Variants in DPP6 observed in about 807,000 individuals in gnomAD.
DPP6 encodes A-type potassium channel modulatory protein DPP6.
A neutral mutation model predicts 122.6 loss-of-function variants in DPP6; 69 were observed. The observed-to-expected ratio is 0.56, with a 90% confidence interval of 0.46 to 0.69. The LOEUF (loss-of-function observed/expected upper bound fraction) is 0.69. Among genes scored for constraint, DPP6 ranks in the 30% least tolerant of loss-of-function variants. The probability of loss-of-function intolerance (pLI) is 0.00; values close to 1 mark genes in which losing one functional copy is unlikely to be tolerated. For missense variants in DPP6, 928 were observed against 1,116.9 expected, an observed-to-expected ratio of 0.83 and a Z score of 2.41; for synonymous variants, 418 against 433.1, an observed-to-expected ratio of 0.97 and a Z score of 0.43.
intron 2 of DPP6, among the ~76,000 whole-genome samples, chr7:154,466,735 G>C (rs1273435109): frequency 6.6e-6 from 1 of 152,172 alleles, no homozygotes; most frequent in Non-Finnish European, 1.5e-5. Flanking sequence ...CAGTGCACGT[G>C]GACGTCTTTG....
At chr7:154,015,728 C>A in intron 1 of DPP6, among the ~76,000 whole-genome samples, 1 of 152,130 alleles carries the variant, frequency 6.6e-6, no homozygotes, top group Admixed American at 6.5e-5. Context: ...ACACCCACCT[C>A]CCCACTGGGG....
chr7:154,889,066 T>G (rs1204419919), intron 23 of DPP6, among the ~76,000 whole-genome samples: 2 of 152,138 alleles, frequency 1.3e-5, no homozygotes, highest in Admixed American at 1.3e-4. Context: ...AAGATGAGAT[T>G]TGGGTGGGGA....
At chr7:154,742,085 G>A (rs1051032892) in intron 8 of DPP6, among the ~76,000 whole-genome samples, 1 of 152,206 alleles carries the variant, frequency 6.6e-6, no homozygotes, top group African/African-American at 2.4e-5. Flanking sequence ...CGGGGTACCT[G>A]AAAAAGAGGA....
upstream of DPP6, among the ~76,000 whole-genome samples, chr7:153,883,134 G>A (rs964058847): frequency 4.6e-5 from 7 of 151,824 alleles, no homozygotes; most frequent in Admixed American, 2.0e-4. Flanking sequence ...GACCACCTTC[G>A]CATCCCTGTT....
chr7:154,539,431 A>G (rs917516847), intron 3 of DPP6, among the ~76,000 whole-genome samples: 3 of 152,164 alleles, frequency 2.0e-5, no homozygotes, highest in Non-Finnish European at 2.9e-5. Flanking sequence ...GAATTGAACA[A>G]TGAGAACACT....
chr7:154,884,700 CAGGCACACA>C (rs1563326073), intron 21 of DPP6: 16 of 70,178 alleles, frequency 2.3e-4, no homozygotes, highest in African/African-American at 1.0e-3. Flanking sequence ...CATGATCACA[CAGGCACACA>C]TGATCACACA....
rs1164747173 is a variant in DPP6 at position 154,856,113 on chromosome 7, G to A, written c.1714+2286G>A. On this transcript the variant is annotated intron_variant, in intron 17 of 25. Coordinates refer to ENST00000377770, the MANE Select transcript of DPP6 (RefSeq NM_130797.4). The stretch of plus-strand genomic sequence containing the variant: ...ATCTATAATTATTTCAAATTTAAAA[G>A]TTTTTTCTAATCTGTGGTCTAATAA... 3.3e-5 allele frequency among the ~76,000 whole-genome samples: 5 copies of A among 152,144 alleles called. No homozygotes were observed. The East Asian group carries it at 7.7e-4, about 23-fold the overall frequency.
chr7:154,319,548 G>A (rs4726406), intron 1 of DPP6, among the ~76,000 whole-genome samples: 87,204 of 151,794 alleles, frequency 0.57, 25,528 homozygotes, highest in South Asian at 0.66. Flanking sequence ...ACAAAAAATT[G>A]CTCAGGTGTG....
At chr7:154,634,453 T>A (rs1163583543) in intron 5 of DPP6, among the ~76,000 whole-genome samples, 1 of 152,110 alleles carries the variant, frequency 6.6e-6, no homozygotes, top group Non-Finnish European at 1.5e-5. Context: ...GGATTATAAA[T>A]CATGCTGCTA....
At chr7:154,021,217 A>G (rs963159406) in intron 1 of DPP6, among the ~76,000 whole-genome samples, 2 of 152,120 alleles carry the variant, frequency 1.3e-5, no homozygotes, top group Non-Finnish European at 2.9e-5. Context: ...GCTGTTATTC[A>G]TTGATCACCC....
In DPP6 at chr7:154,706,375, G is replaced by A. The variant is rs1255971515; in HGVS notation, c.763-21392G>A. Among the ~76,000 whole-genome samples, 11 of 152,242 alleles carry A rather than the reference G, an allele frequency of 7.2e-5. No homozygotes were observed. In the East Asian group the frequency reaches 2.1e-3, roughly 30 times the overall value. On this transcript the variant is annotated intron_variant, in intron 7 of 25. Coordinates refer to ENST00000377770, the MANE Select transcript of DPP6 (RefSeq NM_130797.4). ...TCTCAGCTCAGATATGATTCTCAGG[G>A]CAGACCTCACAACCACCCAGACAAG...
intron 1 of DPP6, among the ~76,000 whole-genome samples, chr7:154,273,280 A>C (rs1277728623): frequency 6.6e-6 from 1 of 152,224 alleles, no homozygotes; most frequent in Non-Finnish European, 1.5e-5. Flanking sequence ...GGAAAGGAAG[A>C]GCTTCTGGCA....
At chr7:153,959,124 G>T (rs1247233260) in intron 1 of DPP6, among the ~76,000 whole-genome samples, 1 of 151,704 alleles carries the variant, frequency 6.6e-6, no homozygotes, top group Non-Finnish European at 1.5e-5. Context: ...CGATGCTTCT[G>T]GTCACTAAGG....
rs918795299 is a variant in DPP6 at position 154,282,841 on chromosome 7, G to A, written c.244-163373G>A. 6.6e-6 allele frequency among the ~76,000 whole-genome samples: 1 copy of A among 152,122 alleles called. No homozygotes were observed. The highest frequency in any genetic ancestry group is 2.4e-5 in the African/African-American group (1 of 41,428). ...ACAAATAGGCCCATTTATAACAAGA[G>A]GTTGAAGGAGAGATTGCCACTCTTT... On this transcript the variant is annotated intron_variant, in intron 1 of 25. Transcript: ENST00000377770. The surrounding 1 kb of genome is among the most constrained non-coding windows in gnomAD (Gnocchi z 4.8).
intron 1 of DPP6, among the ~76,000 whole-genome samples, chr7:154,426,757 A>G (rs888806805): frequency 3.4e-5 from 5 of 147,998 alleles, no homozygotes; most frequent in Non-Finnish European, 7.5e-5. Flanking sequence ...AAACCATGAG[A>G]TGATGGTTTT....
At chr7:154,690,394 C>T (rs1187882767) in intron 7 of DPP6, among the ~76,000 whole-genome samples, 1 of 152,032 alleles carries the variant, frequency 6.6e-6, no homozygotes. Flanking sequence ...TAGAGAAGTC[C>T]TCCTCCCTCG....
At chr7:153,857,084 A>T in the DPP6 span, among the ~76,000 whole-genome samples, 1 of 150,338 alleles carries the variant, frequency 6.7e-6, no homozygotes, top group Non-Finnish European at 1.5e-5. Flanking sequence ...ATATGAAAGT[A>T]AAATGCTCCA....
At chr7:154,113,088 A>G (rs1243731567) in intron 1 of DPP6, among the ~76,000 whole-genome samples, 2 of 152,236 alleles carry the variant, frequency 1.3e-5, no homozygotes, top group Non-Finnish European at 2.9e-5. Flanking sequence ...ACTTGATGGT[A>G]TATATGTGCC....
At chr7:154,813,620 C>T (rs1364252588) in intron 16 of DPP6, among the ~76,000 whole-genome samples, 3 of 152,068 alleles carry the variant, frequency 2.0e-5, no homozygotes, top group African/African-American at 7.2e-5. Flanking sequence ...GTAAGCCAAA[C>T]TCAGTGGAAC....
Sources: gnomAD v4.1 joint callset for allele counts (sites outside exome capture counted in the v4.1 genomes callset) on GRCh38, gnomAD v4.1.1 for gene constraint, Gnocchi (gnomAD v3.1) non-coding constraint, MANE v1.5 for transcripts, NCBI Gene and HGNC (gene_info 2026-07-23, HGNC 2026-07-21) for gene names.